MAPT: variants seen among roughly 807,000 people sequenced by gnomAD.
MAPT encodes microtubule associated protein tau.
Under a neutral mutation model 67.9 loss-of-function variants are expected in MAPT, and 34 were observed. That is an observed-to-expected ratio of 0.50 (90% CI 0.38 to 0.67). The LOEUF (loss-of-function observed/expected upper bound fraction) is 0.67, where lower values mean the gene tolerates loss of function less well. Among genes scored for constraint, MAPT ranks in the 30% least tolerant of loss-of-function variants. The probability of loss-of-function intolerance (pLI) is 0.00; values close to 1 mark genes in which losing one functional copy is unlikely to be tolerated. For missense variants in MAPT, 881 were observed against 1,115.2 expected (o/e 0.79, Z 2.99); for synonymous variants, 456 against 464.5 (o/e 0.98, Z 0.23).
chr17:45,917,599 G>C (rs1387455479), intron 1 of MAPT, among the ~76,000 whole-genome samples: 1 of 152,150 alleles, frequency 6.6e-6, no homozygotes, highest in Admixed American at 6.5e-5. Flanking sequence ...CTAAATAACA[G>C]AAGCGACATT....
chr17:45,938,857 A>G (rs2067601475), intron 1 of MAPT, among the ~76,000 whole-genome samples: 1 of 134,312 alleles, frequency 7.4e-6, no homozygotes, highest in African/African-American at 2.8e-5. Flanking sequence ...TCAGTCACCC[A>G]GGCTGGTGTG....
intron 1 of MAPT, among the ~76,000 whole-genome samples, chr17:45,927,856 C>T (rs1440203124): frequency 2.6e-5 from 4 of 151,808 alleles, no homozygotes; most frequent in East Asian, 1.9e-4. Context: ...AAAAAGTAGC[C>T]GGGAGTGGTG....
At position 46,014,329 on chromosome 17, in the gene MAPT, C is replaced by T; in HGVS notation, c.2173+5C>T. On this transcript the variant is annotated splice_donor_5th_base_variant and intron_variant, in intron 11 of 12. Coordinates refer to ENST00000262410, the MANE Select transcript of MAPT (RefSeq NM_001377265.1). ...GCAACATCCATCATAAACCAGGTAG[C>T]CCTGTGGAAGGTGAGGGTTGGGACG... The T allele has an allele frequency of 1.2e-6, 2 of 1,612,046 alleles. No homozygotes were observed. The highest frequency in any genetic ancestry group is 1.7e-6 in the Non-Finnish European group (2 of 1,178,160).
At chr17:45,966,669 G>A (rs1003534266) in intron 2 of MAPT, among the ~76,000 whole-genome samples, 3 of 152,312 alleles carry the variant, frequency 2.0e-5, no homozygotes, top group Middle Eastern at 3.4e-3. Context: ...TAAATTTAAT[G>A]TGTAAAGTGA....
intron 1 of MAPT, among the ~76,000 whole-genome samples, chr17:45,903,490 C>T (rs185433832): frequency 1.1e-3 from 163 of 151,658 alleles, no homozygotes; most frequent in Non-Finnish European, 1.9e-3. Context: ...GAGGCCGAGG[C>T]GGGCAGATCA....
chr17:45,937,524 G>A (rs557810282), intron 1 of MAPT, among the ~76,000 whole-genome samples: 1 of 151,264 alleles, frequency 6.6e-6, no homozygotes, highest in Non-Finnish European at 1.5e-5. Context: ...CCAAGAGTTT[G>A]AGGTTACAGT....
In MAPT at chr17:46,027,174, C is replaced by T. The variant is rs2076841415; in HGVS notation, c.*3003C>T. The T allele has an allele frequency of 6.6e-6, 1 of 152,020 alleles. No individual in the cohort carries two copies. Among genetic ancestry groups the T allele is most frequent in the Non-Finnish European group, 1.5e-5 (1 of 68,048 alleles). The allele number at this position is 152,020 out of a possible 1,614,324, so 9.4% of individuals were successfully genotyped here. A position where few individuals can be genotyped will look rare whatever the true frequency, so the allele number is the denominator to read the frequency against. ...TCTTCACGCACCTCGGTTCCTCTTC[C>T]TGAAGTTCTTGTGCCCTGCTCTTCA... is the stretch of plus-strand genomic sequence containing the variant. On this transcript the variant is annotated 3_prime_UTR_variant, in exon 13 of 13. Transcript: ENST00000262410.
rs533643353 is a variant in MAPT, at chr17:45,928,476, C to T, written c.-18+33790C>T. ...ACTTCATTTTCCACTGCCTTCCCCA[C>T]AAGGCACCTGCACAAGGGCAAGGAC... On this transcript the variant is annotated intron_variant, in intron 1 of 12. Transcript: ENST00000262410. Among the ~76,000 whole-genome samples, 26 of 152,286 alleles carry T rather than the reference C, an allele frequency of 1.7e-4. 1 individual carries two copies. The South Asian group carries it at 2.9e-3, about 17-fold the overall frequency.
chr17:45,980,610 A>G (rs1425621871), intron 4 of MAPT: 1 of 152,026 alleles, frequency 6.6e-6, no homozygotes, highest in Non-Finnish European at 1.5e-5. Context: ...ACACACTACA[A>G]TCCTGTATCC....
At chr17:45,993,219 T>C (rs974474480) in intron 8 of MAPT, among the ~76,000 whole-genome samples, 1 of 152,256 alleles carries the variant, frequency 6.6e-6, no homozygotes, top group Non-Finnish European at 1.5e-5. Context: ...TGCCGTGCAG[T>C]GGCACCCCCA....
At chr17:45,895,048 C>CGTGTAT (rs1555670554) in intron 1 of MAPT, 4 of 133,484 alleles carry the variant, frequency 3.0e-5, no homozygotes, top group African/African-American at 1.2e-4. Flanking sequence ...CCGCAATGGG[C>CGTGTAT]GTGTGTGTGT....
At chr17:46,001,325 A>G (rs1392234309) in intron 9 of MAPT, among the ~76,000 whole-genome samples, 2 of 152,250 alleles carry the variant, frequency 1.3e-5, no homozygotes, top group Non-Finnish European at 2.9e-5. Flanking sequence ...AAAAAATTAA[A>G]TGACTGCAGC....
chr17:45,972,393 G>A lies in MAPT; in HGVS notation c.220+448G>A, dbSNP rs190599364. ...GCCTGGGCCTCTGGACTTTGGCCAC[G>A]GTGTTTGTTCCAGCCCTTCTCCTAA... is the stretch of plus-strand genomic sequence containing the variant. On this transcript the variant is annotated intron_variant, in intron 3 of 12. Transcript: ENST00000262410. Among the ~76,000 whole-genome samples the A allele has an allele frequency of 2.4e-4, 36 of 152,274 alleles. 1 individual carries two copies. Among genetic ancestry groups the A allele is most frequent in the Admixed American group, 1.8e-3 (27 of 15,306 alleles).
intron 12 of MAPT, among the ~76,000 whole-genome samples, chr17:46,022,871 C>T (rs1400720208): frequency 6.6e-6 from 1 of 152,112 alleles, no homozygotes; most frequent in Non-Finnish European, 1.5e-5. Context: ...TTGAGGCCAG[C>T]CTGGGCAAGT....
At position 45,983,236 on chromosome 17, in the gene MAPT, T is replaced by G; in HGVS notation, c.657T>G (p.Gly219=). 1 of 1,602,404 alleles carries G rather than the reference T, an allele frequency of 6.2e-7. No individual in the cohort carries two copies. The highest frequency in any genetic ancestry group is 8.5e-7 in the Non-Finnish European group (1 of 1,175,542). The change falls in exon 5 of 13, where the codon GGT becomes GGG. Residue 219 remains glycine, a synonymous_variant. Coordinates refer to ENST00000262410, the MANE Select transcript of MAPT (RefSeq NM_001377265.1). ...TCCTCCGAGAGCCAGGCCCCCCAGG[T>G]CTGAGCCACCAGCTCATGTCCGGCA... is the stretch of plus-strand genomic sequence containing the variant. ...EGFLREPGPP[G]LSHQLMSGMP... is the part of the protein sequence containing the mutation.
At chr17:45,903,870 A>AT (rs1328327769) in intron 1 of MAPT, among the ~76,000 whole-genome samples, 2 of 42,162 alleles carry the variant, frequency 4.7e-5, no homozygotes, top group African/African-American at 8.7e-5. Flanking sequence ...TATATTATAT[A>AT]TTATATATTT....
chr17:46,027,402 C>G lies in MAPT; in HGVS notation c.*3231C>G, dbSNP rs1178694957. On this transcript the variant is annotated 3_prime_UTR_variant, in exon 13 of 13. Transcript: ENST00000262410. ...CCCCTCACTTCTCCCACCTGCAGAG[C>G]CAGTGTCCTTGGGTGGGCTAGATAG... 1 of 152,736 alleles carries G rather than the reference C, an allele frequency of 6.5e-6. No homozygotes were observed. The highest frequency in any genetic ancestry group is 1.5e-5 in the Non-Finnish European group (1 of 68,100). The allele number at this position is 152,736 out of a possible 1,614,324, so 9.5% of individuals were successfully genotyped here.
chr17:45,926,960 T>C (rs1429227397), intron 1 of MAPT, among the ~76,000 whole-genome samples: 2 of 150,174 alleles, frequency 1.3e-5, no homozygotes, highest in African/African-American at 2.4e-5. Context: ...TATATGTGTA[T>C]ATATATACAT....
chr17:45,907,417 G>A (rs950795079), intron 1 of MAPT, among the ~76,000 whole-genome samples: 38 of 152,152 alleles, frequency 2.5e-4, no homozygotes, highest in African/African-American at 8.7e-4. Flanking sequence ...TCTTGCCCCC[G>A]CTTCCTGTGT....
Sources: gnomAD v4.1 joint callset for allele counts (sites outside exome capture counted in the v4.1 genomes callset) on GRCh38, gnomAD v4.1.1 for gene constraint, MANE v1.5 for transcripts, NCBI Gene and HGNC (gene_info 2026-07-23, HGNC 2026-07-21) for gene names.